The following USP54 variants were observed in gnomAD, a reference collection of about 807,000 sequenced individuals.
USP54 encodes ubiquitin carboxyl-terminal hydrolase 54.
In USP54, 87 loss-of-function variants were observed where a neutral mutation model predicts 170.5. The observed-to-expected ratio is 0.51, with a 90% CI of 0.43 to 0.61. The LOEUF (loss-of-function observed/expected upper bound fraction) is 0.61. Ranked by LOEUF, USP54 falls within the 20% of genes least tolerant of loss-of-function variation. The probability of loss-of-function intolerance (pLI) is 0.00; values close to 1 mark genes in which losing one functional copy is unlikely to be tolerated. For synonymous variants in USP54, 655 were observed against 742.8 expected (o/e 0.88, Z 1.92); for missense variants, 1,786 against 2,047.8 (o/e 0.87, Z 2.47).
At chr10:73,599,258 G>A (rs1385305666) in intron 1 of USP54, among the ~76,000 whole-genome samples, 1 of 152,128 alleles carries the variant, frequency 6.6e-6, no homozygotes. Flanking sequence ...GAAAGACGGT[G>A]AAACTGACGG....
chr10:73,507,884 G>A (rs1460259031), intron 20 of USP54, among the ~76,000 whole-genome samples: 3 of 151,780 alleles, frequency 2.0e-5, no homozygotes, highest in East Asian at 1.9e-4. Flanking sequence ...ACCTGCACTC[G>A]GAAGGCTGAG....
At chr10:73,544,536 T>C (rs779111655) in intron 5 of USP54, among the ~76,000 whole-genome samples, 5 of 152,178 alleles carry the variant, frequency 3.3e-5, no homozygotes, top group African/African-American at 9.6e-5. Flanking sequence ...TGCTAGATCA[T>C]ACGGTAGTTT....
chr10:73,555,824 G>A (rs1321647645), intron 4 of USP54, among the ~76,000 whole-genome samples: 1 of 152,042 alleles, frequency 6.6e-6, no homozygotes, highest in African/African-American at 2.4e-5. Context: ...ATAAATTCTG[G>A]CAAGGAAAGA....
intron 20 of USP54, among the ~76,000 whole-genome samples, chr10:73,511,780 T>A (rs2060256433): frequency 6.6e-6 from 1 of 151,620 alleles, no homozygotes; most frequent in African/African-American, 2.4e-5. Context: ...TTCACTCTTG[T>A]CACCCAGGCT....
At chr10:73,608,321 C>T (rs960818855) in intron 1 of USP54, among the ~76,000 whole-genome samples, 5 of 152,006 alleles carry the variant, frequency 3.3e-5, no homozygotes, top group African/African-American at 9.7e-5. Context: ...CATTTCCCTA[C>T]GTTTCCCTCT....
At chr10:73,625,100 C>T (rs554449357) in intron 1 of USP54, among the ~76,000 whole-genome samples, 2 of 152,276 alleles carry the variant, frequency 1.3e-5, no homozygotes, top group Admixed American at 6.5e-5. Flanking sequence ...AGAAATTGTA[C>T]ACTTGAATGA....
intron 20 of USP54, among the ~76,000 whole-genome samples, chr10:73,511,643 G>A (rs930446618): frequency 7.2e-5 from 11 of 151,890 alleles, no homozygotes; most frequent in African/African-American, 2.7e-4. Context: ...CTGGGCAACA[G>A]AGCGAGACTC....
upstream of USP54, chr10:73,591,660 T>C (rs972028167): frequency 1.3e-5 from 2 of 152,198 alleles, no homozygotes; most frequent in African/African-American, 4.8e-5. Flanking sequence ...TGAAGCTGTT[T>C]CCTGGGGCAT....
Position 73,571,422 on chromosome 10 carries a change from T to C in USP54, c.239A>G (p.Lys80Arg), listed in dbSNP as rs2075178503. 4 of 1,613,094 alleles carry C rather than the reference T, an allele frequency of 2.5e-6. No individual in the cohort carries two copies. The highest frequency in any genetic ancestry group is 2.2e-5 in the East Asian group (1 of 44,850). ...AAGAAACTAATTGGAAGTACTTACC[T>C]TGAGAGCGCAAAAGATGCAGGAATC... ...MGDSCIFCALKGIFNQFQCSS... is the reference protein window; with the variant it reads ...MGDSCIFCALRGIFNQFQCSS... The change falls in exon 4 of 24, where the codon AAG (lysine) becomes AGG (arginine). Residue 80 changes from lysine to arginine, a missense_variant and splice_region_variant. Physicochemically the swap from Lys to Arg is conservative, Grantham distance 26. Transcript: ENST00000687698.
chr10:73,531,167 A>G (rs1351317590), intron 12 of USP54, among the ~76,000 whole-genome samples: 3 of 152,004 alleles, frequency 2.0e-5, no homozygotes. Flanking sequence ...GCATGGTGGC[A>G]TGTGCCTGTA....
chr10:73,530,666 G>C (rs1390988491), intron 13 of USP54, 38 bp downstream of exon 13: 1 of 1,610,660 alleles, frequency 6.2e-7, no homozygotes, highest in Non-Finnish European at 8.5e-7. Context: ...TTGATAGAGT[G>C]AATGAAGGAG....
chr10:73,608,411 G>GA (rs143390869), intron 1 of USP54, among the ~76,000 whole-genome samples: 5,356 of 152,056 alleles, frequency 0.035, 150 homozygotes, highest in South Asian at 0.12. Context: ...ATACATTTAC[G>GA]AGTAATTTTA....
chr10:73,570,131 G>C (rs540955301), intron 4 of USP54, among the ~76,000 whole-genome samples: 2 of 151,794 alleles, frequency 1.3e-5, no homozygotes, highest in African/African-American at 4.8e-5. Flanking sequence ...GACTTTATGA[G>C]ACCAAAAATG....
At chr10:73,505,029 C>T in intron 21 of USP54, 39 bp from the exon 22 acceptor site, 1 of 1,612,330 alleles carries the variant, frequency 6.2e-7, no homozygotes, top group Non-Finnish European at 8.5e-7. Context: ...ACACATAATA[C>T]CAGACTTATG....
chr10:73,503,041 T>C (rs1193427973), intron 22 of USP54, among the ~76,000 whole-genome samples: 1 of 152,198 alleles, frequency 6.6e-6, no homozygotes, highest in Non-Finnish European at 1.5e-5. Context: ...CATCGACTTA[T>C]CTCTATCCTT....
intron 4 of USP54, among the ~76,000 whole-genome samples, chr10:73,561,275 C>T (rs1392712687): frequency 6.6e-6 from 1 of 151,996 alleles, no homozygotes; most frequent in African/African-American, 2.4e-5. Context: ...TTCATTCAGC[C>T]ATGCTAAATA....
chr10:73,586,383 CA>C (rs1305691537), intron 1 of USP54, among the ~76,000 whole-genome samples: 3 of 152,228 alleles, frequency 2.0e-5, no homozygotes, highest in Non-Finnish European at 2.9e-5. Flanking sequence ...CAATTTATTT[CA>C]TCCTCCTCTG....
At chr10:73,602,334 C>T (rs1319578906) in intron 1 of USP54, among the ~76,000 whole-genome samples, 3 of 151,504 alleles carry the variant, frequency 2.0e-5, no homozygotes, top group African/African-American at 7.3e-5. Flanking sequence ...GGGCAGATCA[C>T]GAGGTCAGGA....
At chr10:73,580,330 A>G (rs2076729665) in intron 1 of USP54, among the ~76,000 whole-genome samples, 2 of 151,758 alleles carry the variant, frequency 1.3e-5, no homozygotes, top group African/African-American at 2.4e-5. Flanking sequence ...AAAAAAAAAA[A>G]AAAAAGAAAG....
Sources: gnomAD v4.1 joint callset for allele counts (sites outside exome capture counted in the v4.1 genomes callset) on GRCh38, gnomAD v4.1.1 for gene constraint, MANE v1.5 for transcripts, NCBI Gene and HGNC (gene_info 2026-07-23, HGNC 2026-07-21) for gene names.